ANO2: variants seen among roughly 807,000 people sequenced by gnomAD.
ANO2 encodes anoctamin 2.
A neutral mutation model predicts 124.2 loss-of-function variants in ANO2; 101 were observed. That is an observed-to-expected ratio of 0.81 (90% CI 0.69 to 0.96). ANO2 has a LOEUF of 0.96. Among genes scored for constraint, ANO2 ranks in the 40% least tolerant of loss-of-function variants. The pLI is 0.00. For synonymous variants in ANO2, 486 were observed against 482.5 expected (o/e 1.01, Z -0.09); for missense variants, 1,293 against 1,274.5 (o/e 1.01, Z -0.22).
chr12:5,833,755 G>T (rs551542234), intron 4 of ANO2, among the ~76,000 whole-genome samples: 287 of 98,154 alleles, frequency 2.9e-3, no homozygotes, highest in Middle Eastern at 6.8e-3. Context: ...TTATTTATGA[G>T]AATCTAATGC....
intron 10 of ANO2, among the ~76,000 whole-genome samples, chr12:5,777,598 G>A (rs1952269274): frequency 6.6e-6 from 1 of 152,048 alleles, no homozygotes; most frequent in East Asian, 1.9e-4. Flanking sequence ...ACAAACATAT[G>A]GATTTGATTC....
At chr12:5,683,676 T>A (rs1219042818) in intron 14 of ANO2, among the ~76,000 whole-genome samples, 1 of 152,004 alleles carries the variant, frequency 6.6e-6, no homozygotes, top group Non-Finnish European at 1.5e-5. Flanking sequence ...TTTAAAGAAA[T>A]CTTAGAGGAA....
rs773771654 is a variant in ANO2 at position 5,635,304 on chromosome 12, C to T, written c.1664G>A (p.Arg555Gln). 10 of 1,605,394 alleles carry T rather than the reference C, an allele frequency of 6.2e-6. No individual in the cohort carries two copies. Among genetic ancestry groups the T allele is most frequent in the South Asian group, 2.2e-5 (2 of 89,420 alleles). The change falls in exon 16 of 25, where the codon CGA becomes CAA. Residue 555 changes from arginine to glutamine, a missense_variant. Arg to Gln is a conservative substitution (Grantham distance 43). Coordinates refer to ENST00000682330, the MANE Select transcript of ANO2 (RefSeq NM_001364791.2). This position sits in a 1 kb window ranked among gnomAD's most constrained non-coding sequence, Gnocchi z 5.2. ...AGACAGAGCGGCTGCAGTTGTTATTCGATACACTATCACCCCAAAGACGAT... is the reference window on the plus strand; with the variant it reads ...AGACAGAGCGGCTGCAGTTGTTATTTGATACACTATCACCCCAAAGACGAT... ...FSIVFGVIVY[R>Q]ITTAAALSLN...
Position 5,744,254 on chromosome 12 carries a change from A to G in ANO2, c.1254T>C (p.Asp418=). The change falls in exon 12 of 25, where the codon GAT becomes GAC. Residue 418 remains aspartate (D), a synonymous_variant. Coordinates refer to ENST00000682330, the MANE Select transcript of ANO2 (RefSeq NM_001364791.2). ...CACAGGCTGAGCTGAGGTTCCAGTAATCACAGGACTTGTCACACAGGGGAC... is the reference window on the plus strand; with the variant it reads ...CACAGGCTGAGCTGAGGTTCCAGTAGTCACAGGACTTGTCACACAGGGGAC... ...TMCPLCDKSC[D]YWNLSSACGT... 1 of 1,613,972 alleles carries G rather than the reference A, an allele frequency of 6.2e-7. No homozygotes were observed. The highest frequency in any genetic ancestry group is 1.3e-5 in the African/African-American group (1 of 75,034).
At chr12:5,747,088 G>A (rs1565636838) in intron 11 of ANO2, among the ~76,000 whole-genome samples, 1 of 152,216 alleles carries the variant, frequency 6.6e-6, no homozygotes, top group Non-Finnish European at 1.5e-5. Context: ...TTGATGTTGT[G>A]CCGTAGTTAC....
intron 14 of ANO2, among the ~76,000 whole-genome samples, chr12:5,730,398 G>A (rs1015461280): frequency 3.3e-5 from 5 of 152,128 alleles, no homozygotes; most frequent in African/African-American, 9.7e-5. Context: ...GCAAATTCGC[G>A]CACCACTCTG....
intron 12 of ANO2, among the ~76,000 whole-genome samples, chr12:5,742,978 G>A (rs543106958): frequency 2.6e-5 from 4 of 151,946 alleles, no homozygotes; most frequent in South Asian, 2.1e-4. Flanking sequence ...GTGTGCTCCC[G>A]GGACGCAGCT....
intron 14 of ANO2, among the ~76,000 whole-genome samples, chr12:5,681,562 C>T (rs1436476523): frequency 6.6e-6 from 1 of 152,192 alleles, no homozygotes; most frequent in Non-Finnish European, 1.5e-5. Context: ...TTTTCCCACT[C>T]ACATCCCTGG....
intron 3 of ANO2, among the ~76,000 whole-genome samples, chr12:5,876,126 A>G (rs974109090): frequency 6.6e-6 from 1 of 152,212 alleles, no homozygotes; most frequent in African/African-American, 2.4e-5. Context: ...TATTCTGGCC[A>G]TGGCCCAAAT....
chr12:5,566,340 G>A (rs564005759), intron 23 of ANO2, among the ~76,000 whole-genome samples: 1 of 152,164 alleles, frequency 6.6e-6, no homozygotes, highest in African/African-American at 2.4e-5. Flanking sequence ...AATGCCTGAC[G>A]TGATTTCATG....
At chr12:5,716,925 G>A (rs1296628663) in intron 14 of ANO2, among the ~76,000 whole-genome samples, 7 of 152,174 alleles carry the variant, frequency 4.6e-5, no homozygotes, top group Non-Finnish European at 1.0e-4. Context: ...ACAGGCCCAC[G>A]GCCCTAGACC....
intron 8 of ANO2, among the ~76,000 whole-genome samples, chr12:5,807,019 T>C (rs1953216897): frequency 6.6e-6 from 1 of 152,192 alleles, no homozygotes; most frequent in Non-Finnish European, 1.5e-5. Context: ...CACATCTGTA[T>C]AGTTACACTT....
At chr12:5,780,219 A>G (rs143802217) in intron 10 of ANO2, among the ~76,000 whole-genome samples, 31 of 152,314 alleles carry the variant, frequency 2.0e-4, no homozygotes, top group African/African-American at 7.5e-4. Context: ...CTATAGATTC[A>G]TATATATTCA....
chr12:5,592,246 C>T (rs1943431502), intron 20 of ANO2, among the ~76,000 whole-genome samples: 2 of 152,116 alleles, frequency 1.3e-5, no homozygotes, highest in African/African-American at 4.8e-5. Context: ...TTCTAGTACC[C>T]ATGCTGAGTG....
intron 1 of ANO2, among the ~76,000 whole-genome samples, chr12:5,926,018 T>C (rs1016048036): frequency 2.6e-5 from 4 of 152,194 alleles, no homozygotes; most frequent in African/African-American, 9.7e-5. Context: ...CACTTGGATG[T>C]TTCCCAGCCC....
intron 10 of ANO2, among the ~76,000 whole-genome samples, chr12:5,784,159 C>G (rs1030768662): frequency 6.9e-6 from 1 of 145,462 alleles, no homozygotes; most frequent in African/African-American, 2.4e-5. Flanking sequence ...GCTATTCCCC[C>G]CTATCTGGAA....
At chr12:5,609,294 G>A (rs1944365008) in intron 19 of ANO2, 1 of 152,158 alleles carries the variant, frequency 6.6e-6, no homozygotes, top group Non-Finnish European at 1.5e-5. Flanking sequence ...ACTAGAGGCT[G>A]GCTTAGGCAG....
intron 14 of ANO2, 129 bp downstream of exon 14, chr12:5,732,391 C>T: frequency 1.4e-6 from 1 of 691,044 alleles, no homozygotes; most frequent in South Asian, 1.9e-5. Flanking sequence ...ATGTCATGCT[C>T]TCATCTCATC....
chr12:5,803,723 T>C (rs1953112292), intron 9 of ANO2, among the ~76,000 whole-genome samples: 1 of 152,194 alleles, frequency 6.6e-6, no homozygotes, highest in African/African-American at 2.4e-5. Flanking sequence ...AAGGCAGGAA[T>C]TCCTTGTTCT....
Sources: allele counts gnomAD v4.1 joint callset (sites outside exome capture counted in the v4.1 genomes callset), GRCh38; gene constraint gnomAD v4.1.1; non-coding constraint Gnocchi (gnomAD v3.1); transcripts MANE v1.5; gene names NCBI Gene and HGNC (gene_info 2026-07-23, HGNC 2026-07-21).